Variants in CDH7 observed in about 807,000 individuals in gnomAD.
CDH7 encodes the protein cadherin 7.
In CDH7, 25 loss-of-function variants were observed where a neutral mutation model predicts 71.8. That is an observed-to-expected ratio of 0.35 (90% CI 0.25 to 0.49). The LOEUF is 0.49. CDH7 is among the 20% of genes least tolerant of loss of function. The pLI is 0.99. For missense variants in CDH7, 862 were observed against 974.6 expected, an observed-to-expected ratio of 0.88 and a Z score of 1.54; for synonymous variants, 381 against 363.8, an observed-to-expected ratio of 1.05 and a Z score of -0.54.
At chr18:65,859,943 G>A in intron 10 of CDH7, 118 bp downstream of exon 10, 1 of 614,726 alleles carries the variant, frequency 1.6e-6, no homozygotes, top group Non-Finnish European at 2.9e-6. Flanking sequence ...ATAATTAAAG[G>A]GCAATGAGCA....
intron 4 of CDH7, among the ~76,000 whole-genome samples, chr18:65,820,359 T>C (rs892295473): frequency 6.6e-6 from 1 of 151,924 alleles, no homozygotes; most frequent in African/African-American, 2.4e-5. Context: ...AGGTATCCAA[T>C]TGGTCAAGAC....
chr18:65,834,566 A>C (rs1912468046), intron 6 of CDH7, among the ~76,000 whole-genome samples: 1 of 152,208 alleles, frequency 6.6e-6, no homozygotes, highest in African/African-American at 2.4e-5. Context: ...GTTAAAAATA[A>C]CTTATCAAAA....
At chr18:65,842,430 C>T (rs1219326795) in intron 6 of CDH7, among the ~76,000 whole-genome samples, 1 of 151,496 alleles carries the variant, frequency 6.6e-6, no homozygotes, top group African/African-American at 2.4e-5. Flanking sequence ...CGGAGATAAG[C>T]TGTGGGATCT....
chr18:65,780,405 C>T (rs1879331399), intron 2 of CDH7, among the ~76,000 whole-genome samples: 1 of 130,518 alleles, frequency 7.7e-6, no homozygotes, highest in Non-Finnish European at 1.6e-5. Flanking sequence ...ATGGTAATGC[C>T]TAGGTTTTCT....
intron 2 of CDH7, among the ~76,000 whole-genome samples, chr18:65,764,441 C>T (rs1313201156): frequency 6.6e-6 from 1 of 151,872 alleles, no homozygotes; most frequent in African/African-American, 2.4e-5. Flanking sequence ...TTTTTATAGC[C>T]ATTCTACCAG....
Position 65,882,346 on chromosome 18 carries a change from A to C in CDH7, c.*1452A>C, listed in dbSNP as rs1914255703. On this transcript the variant is annotated 3_prime_UTR_variant, in exon 12 of 12. Transcript: ENST00000397968. The stretch of plus-strand genomic sequence containing the variant: ...AGATTAATACTAGTTTAATGTGCAT[A>C]TACATTCAAGTAAGAATGGATTTAT... 6.6e-6 allele frequency: 1 copy of C among 152,150 alleles called. No individual in the cohort carries two copies. The highest frequency in any genetic ancestry group is 2.4e-5 in the African/African-American group (1 of 41,448). The allele number at this position is 152,150 out of a possible 1,614,324, so 9.4% of individuals were successfully genotyped here.
chr18:65,781,905 T>C (rs1182206177), intron 2 of CDH7, among the ~76,000 whole-genome samples: 1 of 107,718 alleles, frequency 9.3e-6, no homozygotes, highest in Non-Finnish European at 1.8e-5. Context: ...TCTCTCTATC[T>C]TTCTCTCTTT....
rs548987239 is a variant in CDH7 at position 65,813,754 on chromosome 18, G to T, written c.506-731G>T. Among the ~76,000 whole-genome samples the T allele has an allele frequency of 3.3e-5, 5 of 152,104 alleles. No homozygotes were observed. In the South Asian group the frequency reaches 1.0e-3, roughly 32 times the overall value. ...GGAAAAAAAGGAAAACAGATCAGAA[G>T]AAATGCTTTCCATATTGAATGTGTG... is the stretch of plus-strand genomic sequence containing the variant. On this transcript the variant is annotated intron_variant, in intron 3 of 11. Transcript: ENST00000397968.
chr18:65,823,366 T>C (rs1292065484), intron 5 of CDH7, among the ~76,000 whole-genome samples: 1 of 151,962 alleles, frequency 6.6e-6, no homozygotes, highest in African/African-American at 2.4e-5. Flanking sequence ...GCAATTATCT[T>C]GGGCTTATAA....
intron 4 of CDH7, among the ~76,000 whole-genome samples, chr18:65,820,074 A>AT (rs200136748): frequency 0.012 from 237 of 19,746 alleles, no homozygotes; most frequent in Middle Eastern, 0.043. Context: ...AGATCATCAG[A>AT]TTTTTTTCCT....
intron 2 of CDH7, among the ~76,000 whole-genome samples, chr18:65,776,376 A>C (rs1909941368): frequency 6.7e-6 from 1 of 149,454 alleles, no homozygotes. Flanking sequence ...ACACACACAC[A>C]CACACACACA....
intron 2 of CDH7, among the ~76,000 whole-genome samples, chr18:65,806,236 T>C (rs996565925): frequency 2.6e-5 from 4 of 152,022 alleles, no homozygotes; most frequent in African/African-American, 9.7e-5. Flanking sequence ...TTTTGCCTTA[T>C]CATGAGCTAG....
rs1045020402 is a variant in CDH7, at chr18:65,838,086, G to A, written c.982-5726G>A. On this transcript the variant is annotated intron_variant, in intron 6 of 11. Transcript: ENST00000397968. The stretch of plus-strand genomic sequence containing the variant: ...ATTACAGGCACGTGCCACCATGGCA[G>A]GCTAACTTTTGTATTTTTAGTAGAG... 3.3e-5 allele frequency among the ~76,000 whole-genome samples: 5 copies of A among 151,994 alleles called. No individual in the cohort carries two copies. In the South Asian group the frequency reaches 1.0e-3, roughly 32 times the overall value.
intron 2 of CDH7, among the ~76,000 whole-genome samples, chr18:65,792,493 C>T (rs753128857): frequency 4.4e-4 from 67 of 152,102 alleles, no homozygotes; most frequent in Admixed American, 7.9e-4. Context: ...ACAGTGTTTT[C>T]ACCTTATAAT....
chr18:65,871,876 A>T (rs1913936830), intron 11 of CDH7, among the ~76,000 whole-genome samples: 1 of 152,140 alleles, frequency 6.6e-6, no homozygotes, highest in Non-Finnish European at 1.5e-5. Flanking sequence ...TGGTCTGGTT[A>T]TCCAAAGAGA....
At chr18:65,874,676 T>TA (rs914674263) in intron 11 of CDH7, among the ~76,000 whole-genome samples, 3 of 151,812 alleles carry the variant, frequency 2.0e-5, no homozygotes, top group African/African-American at 7.3e-5. Flanking sequence ...CATAAAAATT[T>TA]AAAAAATTCA....
intron 7 of CDH7, among the ~76,000 whole-genome samples, chr18:65,845,860 C>A (rs1028586021): frequency 6.6e-6 from 1 of 151,988 alleles, no homozygotes; most frequent in Non-Finnish European, 1.5e-5. Flanking sequence ...GAGTTCTAGA[C>A]TGCAGTGAGC....
At chr18:65,751,991 C>T (rs549352564) in intron 1 of CDH7, among the ~76,000 whole-genome samples, 1 of 152,212 alleles carries the variant, frequency 6.6e-6, no homozygotes, top group Non-Finnish European at 1.5e-5. Flanking sequence ...CAGCACTGGG[C>T]AAATGGCAAA....
intron 2 of CDH7, among the ~76,000 whole-genome samples, chr18:65,779,378 G>A (rs1910095881): frequency 9.5e-6 from 1 of 105,652 alleles, no homozygotes; most frequent in Non-Finnish European, 1.8e-5. Flanking sequence ...ATGTATACAT[G>A]TGCCATGCTG....
Sources: gnomAD v4.1 joint callset for allele counts (sites outside exome capture counted in the v4.1 genomes callset) on GRCh38, gnomAD v4.1.1 for gene constraint, MANE v1.5 for transcripts, NCBI Gene and HGNC (gene_info 2026-07-23, HGNC 2026-07-21) for gene names.